The following VGLL4 variants were observed in gnomAD, a reference collection of about 807,000 sequenced individuals.
VGLL4 encodes transcription cofactor vestigial-like protein 4.
VGLL4 carries 7 observed loss-of-function variants against 21.0 expected under a neutral mutation model. The ratio of observed to expected loss-of-function variants is 0.33; its 90% CI spans 0.19 to 0.63. VGLL4 has a LOEUF of 0.63. Ranked by LOEUF, VGLL4 falls within the 20% of genes least tolerant of loss-of-function variation. The pLI is 0.78. For missense variants in VGLL4, 394 were observed against 425.7 expected (o/e 0.93, Z 0.66); for synonymous variants, 222 against 173.2 (o/e 1.28, Z -2.21).
intron 1 of VGLL4, chr3:11,710,355 G>A (rs930037416): frequency 1.3e-5 from 2 of 152,194 alleles, no homozygotes. Context: ...TTTCCAAGAA[G>A]ATTTGCACAA....
At chr3:11,699,161 C>T (rs2076645983) in intron 2 of VGLL4, among the ~76,000 whole-genome samples, 1 of 152,188 alleles carries the variant, frequency 6.6e-6, no homozygotes, top group Admixed American at 6.5e-5. Context: ...CTGAGTCAGG[C>T]TGAATCAGCC....
intron 2 of VGLL4, among the ~76,000 whole-genome samples, chr3:11,600,531 T>G (rs1235100373): frequency 1.3e-5 from 2 of 152,212 alleles, no homozygotes; most frequent in Non-Finnish European, 2.9e-5. Flanking sequence ...GCCTTCCTGC[T>G]GGATTCCTGA....
chr3:11,606,769 G>A lies in VGLL4; in HGVS notation c.83-4747C>T, dbSNP rs1230366636. Among the ~76,000 whole-genome samples the A allele has an allele frequency of 2.6e-5, 4 of 152,234 alleles. No individual in the cohort carries two copies. In the East Asian group the frequency reaches 7.7e-4, roughly 29 times the overall value. On this transcript the variant is annotated intron_variant, in intron 1 of 4. Transcript: ENST00000430365. ...GACCAATGAGCAGGACATAGGCAGG[G>A]ACAAATAAGGGAATAAAAGCTGGCC...
intron 1 of VGLL4, among the ~76,000 whole-genome samples, chr3:11,617,171 C>T (rs2075177408): frequency 6.6e-6 from 1 of 151,992 alleles, no homozygotes; most frequent in Non-Finnish European, 1.5e-5. Context: ...ATTTGAAAAA[C>T]AGGCAGGATT....
intron 1 of VGLL4, among the ~76,000 whole-genome samples, chr3:11,624,268 T>TCA (rs2125304658): frequency 6.6e-6 from 1 of 152,286 alleles, no homozygotes; most frequent in South Asian, 2.1e-4. Flanking sequence ...TCTTCCACTT[T>TCA]CACAACTGAT....
intron 1 of VGLL4, among the ~76,000 whole-genome samples, chr3:11,617,306 C>T (rs2125294828): frequency 6.6e-6 from 1 of 152,238 alleles, no homozygotes; most frequent in East Asian, 1.9e-4. Flanking sequence ...GGTTTGTTTC[C>T]TTAGACTTAA....
At chr3:11,573,588 T>G (rs2073942278) in intron 2 of VGLL4, among the ~76,000 whole-genome samples, 1 of 152,192 alleles carries the variant, frequency 6.6e-6, no homozygotes, top group Non-Finnish European at 1.5e-5. Flanking sequence ...GCTGCTGCTG[T>G]GTATCCTCGG....
chr3:11,671,194 G>T, intron 2 of VGLL4: 1 of 1,507,742 alleles, frequency 6.6e-7, no homozygotes, highest in Non-Finnish European at 9.0e-7. Flanking sequence ...ATACTATTTT[G>T]CAAATTAATT....
At chr3:11,628,596 G>A (rs894673309) in intron 1 of VGLL4, among the ~76,000 whole-genome samples, 34 of 151,930 alleles carry the variant, frequency 2.2e-4, no homozygotes, top group South Asian at 4.2e-4. Flanking sequence ...CAAGGCGGGC[G>A]GATCACGAGG....
At chr3:11,720,898 C>T (rs1444130924), upstream of VGLL4, among the ~76,000 whole-genome samples, 1 of 152,120 alleles carries the variant, frequency 6.6e-6, no homozygotes, top group Non-Finnish European at 1.5e-5. Context: ...GGTGGGGGGC[C>T]GGGGGATAGA....
chr3:11,659,888 C>T (rs752435580), intron 2 of VGLL4, among the ~76,000 whole-genome samples: 2 of 152,050 alleles, frequency 1.3e-5, no homozygotes, highest in Non-Finnish European at 2.9e-5. Context: ...CTTGGCCGGG[C>T]GCGGTGGCTC....
At chr3:11,698,457 C>T (rs552527406) in intron 2 of VGLL4, among the ~76,000 whole-genome samples, 1 of 152,248 alleles carries the variant, frequency 6.6e-6, no homozygotes, top group East Asian at 1.9e-4. Context: ...TGCAGTGAGC[C>T]GTGATCGCAC....
chr3:11,630,170 T>C (rs1489969142), intron 1 of VGLL4, among the ~76,000 whole-genome samples: 1 of 152,126 alleles, frequency 6.6e-6, no homozygotes, highest in Non-Finnish European at 1.5e-5. Flanking sequence ...ATTTAGACAA[T>C]AAACTTGCCA....
chr3:11,673,182 A>G (rs1287904512), intron 2 of VGLL4, among the ~76,000 whole-genome samples: 1 of 152,236 alleles, frequency 6.6e-6, no homozygotes, highest in Non-Finnish European at 1.5e-5. Flanking sequence ...AACGTGGAAG[A>G]TAGAGACCAA....
At chr3:11,570,604 G>T (rs2125163494) in intron 2 of VGLL4, among the ~76,000 whole-genome samples, 1 of 152,350 alleles carries the variant, frequency 6.6e-6, no homozygotes, top group South Asian at 2.1e-4. Flanking sequence ...CATAGTATGT[G>T]TGAGTCCAGT....
chr3:11,649,149 C>T (rs1354093065), intron 2 of VGLL4, among the ~76,000 whole-genome samples: 2 of 152,302 alleles, frequency 1.3e-5, no homozygotes, highest in East Asian at 1.9e-4. Context: ...CGTGGCTTAT[C>T]GATGACAGAC....
intron 2 of VGLL4, among the ~76,000 whole-genome samples, chr3:11,567,570 T>C (rs148034363): frequency 8.5e-4 from 129 of 152,322 alleles, no homozygotes; most frequent in Non-Finnish European, 1.5e-3. Context: ...ACCTTAATAC[T>C]GAAACCAGCC....
At position 11,558,745 on chromosome 3, in the gene VGLL4, G is replaced by T. The variant is rs767408824; in HGVS notation, c.702C>A (p.Pro234=). The part of the protein sequence containing the change: ...GKNYKEPEPA[P]NSVSITGSVD... ...CGGAGCCCGTGATGGACACGGAGTT[G>T]GGTGCCGGCTCGGGCTCCTTGTAAT... The change falls in exon 5 of 5, where the codon CCC becomes CCA. Residue 234 remains proline (P), a synonymous_variant. Transcript: ENST00000430365. 1 of 1,614,202 alleles carries T rather than the reference G, an allele frequency of 6.2e-7. No homozygotes were observed.
rs2074884687 is a variant in VGLL4, at chr3:11,604,422, C to T, written c.83-2400G>A. 18 of 957,140 alleles carry T rather than the reference C, an allele frequency of 1.9e-5. 4 individuals are homozygous for T. Among genetic ancestry groups the T allele is most frequent in the Non-Finnish European group, 2.0e-5 (16 of 810,460 alleles). 59.3% of individuals were successfully genotyped at this position (957,140 alleles called of 1,614,324 possible). ...TAAGACTGTGCAGCCTCACACAAGG[C>T]TTACAGCAAAGGAAAAGAATCCGCA... On this transcript the variant is annotated intron_variant, in intron 1 of 4. Transcript: ENST00000430365.
Sources: gnomAD v4.1 joint callset for allele counts (sites outside exome capture counted in the v4.1 genomes callset) on GRCh38, gnomAD v4.1.1 for gene constraint, MANE v1.5 for transcripts, NCBI Gene and HGNC (gene_info 2026-07-23, HGNC 2026-07-21) for gene names.